NT5C3A: variants seen among roughly 807,000 people sequenced by gnomAD.
The protein encoded by NT5C3A is 5'-nucleotidase, cytosolic IIIA.
Under a neutral mutation model 40.0 loss-of-function variants are expected in NT5C3A, and 23 were observed. That is an observed-to-expected ratio of 0.58 (90% CI 0.41 to 0.81). NT5C3A has a LOEUF of 0.81. Ranked by LOEUF, NT5C3A falls within the 40% of genes least tolerant of loss-of-function variation. NT5C3A has a pLI of 0.00. For synonymous variants in NT5C3A, 130 were observed against 141.4 expected (o/e 0.92, Z 0.57); for missense variants, 328 against 403.0 (o/e 0.81, Z 1.59).
rs915193379 is a variant in NT5C3A at position 33,043,932 on chromosome 7, C to T, written c.139-17017G>A. Among the ~76,000 whole-genome samples the T allele has an allele frequency of 1.4e-4, 22 of 152,120 alleles. 1 individual carries two copies. Among genetic ancestry groups the T allele is most frequent in the Non-Finnish European group, 1.2e-4 (8 of 68,028 alleles). On this transcript the variant is annotated intron_variant, in intron 1 of 8. Transcript: ENST00000610140. ...GTGTAATTTTAAGAGAAAAATAATA[C>T]TTCCTCCCTTTTTATAGATAAAGAA...
chr7:33,029,182 G>T (rs966802549), intron 1 of NT5C3A: 1 of 155,196 alleles, frequency 6.4e-6, no homozygotes, highest in Non-Finnish European at 1.4e-5. Context: ...TGGCTTAAAG[G>T]TTATCTATGT....
chr7:33,048,674 A>AC (rs1271192337), intron 1 of NT5C3A, among the ~76,000 whole-genome samples: 1 of 151,990 alleles, frequency 6.6e-6, no homozygotes, highest in Non-Finnish European at 1.5e-5. Flanking sequence ...TGCCTCCAAG[A>AC]CCCCCGGGTC....
chr7:33,014,912 C>A (rs1785242581), intron 8 of NT5C3A, 81 bp from the exon 9 acceptor site: 2 of 1,177,868 alleles, frequency 1.7e-6, no homozygotes, highest in South Asian at 1.3e-5. Context: ...GTTGTTAGAT[C>A]TCTTGGGCAA....
In NT5C3A at chr7:33,026,685, G is replaced by T. The variant is rs1475041921; in HGVS notation, c.237+132C>A. The T allele has an allele frequency of 2.6e-5, 17 of 651,310 alleles. No homozygotes were observed. In the East Asian group the frequency reaches 4.9e-4, roughly 19 times the overall value. 40.3% of individuals were successfully genotyped at this position (651,310 alleles called of 1,614,324 possible). A position where few individuals can be genotyped will look rare whatever the true frequency, so the allele number is the denominator to read the frequency against. On this transcript the variant is annotated intron_variant, in intron 2 of 8. Coordinates refer to ENST00000610140, the MANE Select transcript of NT5C3A (RefSeq NM_001002010.5). ...TTTTTTTTTTTTTAAATAGAGATGG[G>T]GTCTCACTATGTTGCCCAGGCTGGT...
rs1785613853 is a variant in NT5C3A, at chr7:33,021,272, C to T, written c.440G>A (p.Trp147Ter). 3 of 1,611,836 alleles carry T rather than the reference C, an allele frequency of 1.9e-6. No individual in the cohort carries two copies. The highest frequency in any genetic ancestry group is 1.3e-5 in the African/African-American group (1 of 74,910). ...CTCCTACTGCCTAATATACACTTAC[C>T]ATTCCACCATATAAGGGTACTTCTC... ...VEEKYPYMVE[W>*]YTKSHGLLVQ... is the part of the protein sequence containing the mutation. The change falls in exon 5 of 9, where the codon TGG (tryptophan) becomes TAG (stop). Residue 147 changes from tryptophan to a stop codon, truncating the protein, a stop_gained and splice_region_variant. Coordinates refer to ENST00000610140, the MANE Select transcript of NT5C3A (RefSeq NM_001002010.5). LOFTEE classifies it high-confidence loss of function.
chr7:33,017,419 G>A lies in NT5C3A; in HGVS notation c.693+20C>T. ...TATTTTCAGATTTTAAAATTATGAA[G>A]AACGATTTGATATTCTTACAGTTTC... On this transcript the variant is annotated intron_variant, in intron 7 of 8. Coordinates refer to ENST00000610140, the MANE Select transcript of NT5C3A (RefSeq NM_001002010.5). The A allele has an allele frequency of 6.5e-7, 1 of 1,545,250 alleles. No homozygotes were observed. Among genetic ancestry groups the A allele is most frequent in the Non-Finnish European group, 8.9e-7 (1 of 1,120,004 alleles).
chr7:33,058,504 G>A (rs1045010526), intron 1 of NT5C3A, among the ~76,000 whole-genome samples: 2 of 152,066 alleles, frequency 1.3e-5, no homozygotes, highest in South Asian at 2.1e-4. Context: ...CCGCCACGAC[G>A]CCCAACTACT....
rs1785281736 is a variant in NT5C3A at position 33,015,659 on chromosome 7, T to C, written c.894+11A>G. 2 of 1,553,320 alleles carry C rather than the reference T, an allele frequency of 1.3e-6. No individual in the cohort carries two copies. Among genetic ancestry groups the C allele is most frequent in the African/African-American group, 1.4e-5 (1 of 73,630 alleles). ...TTTTCTTCGAAAAAAATTACAGATT[T>C]GTATACTTACTCTATCATTTAGATA... On this transcript the variant is annotated intron_variant, in intron 8 of 8. Coordinates refer to ENST00000610140, the MANE Select transcript of NT5C3A (RefSeq NM_001002010.5).
Position 33,014,624 on chromosome 7 carries a change from A to C in NT5C3A, c.*106T>G, listed in dbSNP as rs1221283897. 2 of 1,506,182 alleles carry C rather than the reference A, an allele frequency of 1.3e-6. No homozygotes were observed. Among genetic ancestry groups the C allele is most frequent in the Non-Finnish European group, 1.8e-6 (2 of 1,110,512 alleles). The allele number at this position is 1,506,182 out of a possible 1,614,324, so 93.3% of individuals were successfully genotyped here. A position where few individuals can be genotyped will look rare whatever the true frequency, so the allele number is the denominator to read the frequency against. ...AAAATACTTCAGTTATACAAAGGGA[A>C]CACTTCGAGAGTAAGGATATATTAT... On this transcript the variant is annotated 3_prime_UTR_variant, in exon 9 of 9. Transcript: ENST00000610140.
chr7:33,034,553 A>C (rs753908261), intron 1 of NT5C3A, among the ~76,000 whole-genome samples: 1 of 152,242 alleles, frequency 6.6e-6, no homozygotes, highest in Non-Finnish European at 1.5e-5. Flanking sequence ...CAATGGATAG[A>C]AAGAGCTGTT....
chr7:33,022,863 T>G (rs1393652701), intron 3 of NT5C3A, among the ~76,000 whole-genome samples: 3 of 152,144 alleles, frequency 2.0e-5, no homozygotes, highest in African/African-American at 7.2e-5. Context: ...GCATTTGAGA[T>G]TATTAGAAAT....
Position 33,014,636 on chromosome 7 carries a change from T to C in NT5C3A, c.*94A>G, listed in dbSNP as rs1785225845. 1 of 1,545,472 alleles carries C rather than the reference T, an allele frequency of 6.5e-7. No individual in the cohort carries two copies. Among genetic ancestry groups the C allele is most frequent in the Non-Finnish European group, 8.8e-7 (1 of 1,137,172 alleles). ...TTATACAAAGGGAACACTTCGAGAG[T>C]AAGGATATATTATAAATAAGTCTCT... On this transcript the variant is annotated 3_prime_UTR_variant, in exon 9 of 9. Transcript: ENST00000610140.
intron 1 of NT5C3A, among the ~76,000 whole-genome samples, chr7:33,052,156 C>CT (rs945146005): frequency 1.3e-5 from 2 of 151,960 alleles, no homozygotes; most frequent in African/African-American, 4.8e-5. Context: ...TGCAACTTGC[C>CT]TTTTCCCCTT....
chr7:33,042,007 GA>G (rs1786937644), intron 1 of NT5C3A, among the ~76,000 whole-genome samples: 1 of 152,058 alleles, frequency 6.6e-6, no homozygotes, highest in Non-Finnish European at 1.5e-5. Context: ...AAAACAACAT[GA>G]AAAAAATTTT....
At chr7:33,028,139 G>C (rs1354441359) in intron 1 of NT5C3A, among the ~76,000 whole-genome samples, 1 of 152,094 alleles carries the variant, frequency 6.6e-6, no homozygotes, top group Non-Finnish European at 1.5e-5. Context: ...ATTTCAAATG[G>C]AGATAACTGC....
intron 1 of NT5C3A, chr7:33,045,793 A>T (rs1426768919): frequency 6.6e-6 from 1 of 151,988 alleles, no homozygotes; most frequent in East Asian, 1.9e-4. Context: ...TTTTTAAAAA[A>T]ACATAGAGAC....
At chr7:33,055,111 G>A (rs1787520456) in intron 1 of NT5C3A, among the ~76,000 whole-genome samples, 1 of 152,160 alleles carries the variant, frequency 6.6e-6, no homozygotes, top group Non-Finnish European at 1.5e-5. Context: ...GATCACCTGA[G>A]GTCAGGAGTT....
At chr7:33,021,697 G>T (rs1251089580) in intron 4 of NT5C3A, 1 of 396,172 alleles carries the variant, frequency 2.5e-6, no homozygotes, top group Non-Finnish European at 4.6e-6. Flanking sequence ...ACATACTCAA[G>T]CGAAGTACTG....
intron 1 of NT5C3A, chr7:33,029,795 G>C (rs1786146915): frequency 1.1e-6 from 1 of 880,586 alleles, no homozygotes; most frequent in African/African-American, 1.7e-5. Flanking sequence ...TCAAACTCCT[G>C]GGCTCAAGTG....
Sources: gnomAD v4.1 joint callset for allele counts (sites outside exome capture counted in the v4.1 genomes callset) on GRCh38, gnomAD v4.1.1 for gene constraint, MANE v1.5 for transcripts, NCBI Gene and HGNC (gene_info 2026-07-23, HGNC 2026-07-21) for gene names.